The following RBMS1 variants were observed in gnomAD, a reference collection of about 807,000 sequenced individuals.
RBMS1 encodes the protein RNA binding motif single stranded interacting protein 1, also known as RNA-binding motif, single-stranded-interacting protein 1.
Under a neutral mutation model 62.3 loss-of-function variants are expected in RBMS1, and 17 were observed. That is an observed-to-expected ratio of 0.27 (90% CI 0.19 to 0.41). The LOEUF is 0.41. RBMS1 is among the 10% of genes least tolerant of loss of function. The pLI is 1.00. For missense variants in RBMS1, 334 were observed against 504.5 expected (o/e 0.66, Z 3.24); for synonymous variants, 172 against 170.0 (o/e 1.01, Z -0.09).
chr2:160,285,607 C>A (rs1205731121), intron 7 of RBMS1, among the ~76,000 whole-genome samples: 2 of 150,286 alleles, frequency 1.3e-5, no homozygotes, highest in Non-Finnish European at 3.0e-5. Context: ...AATGGACGTC[C>A]AACATTTTAT....
chr2:160,463,341 A>G (rs1453694382), intron 1 of RBMS1, among the ~76,000 whole-genome samples: 1 of 152,198 alleles, frequency 6.6e-6, no homozygotes, highest in Non-Finnish European at 1.5e-5. Flanking sequence ...ATTTTATAAC[A>G]TGCCTCTCAA....
intron 1 of RBMS1, among the ~76,000 whole-genome samples, chr2:160,468,301 C>A (rs1384652840): frequency 1.3e-5 from 2 of 152,168 alleles, no homozygotes; most frequent in African/African-American, 4.8e-5. Flanking sequence ...GAAGGCACGA[C>A]CCCTGCTCAC....
At position 160,416,721 on chromosome 2, in the gene RBMS1, G is replaced by C. The variant is rs191639573; in HGVS notation, c.76-49330C>G. Among the ~76,000 whole-genome samples the C allele has an allele frequency of 3.9e-5, 6 of 152,156 alleles. No homozygotes were observed. The East Asian group carries it at 7.7e-4, about 20-fold the overall frequency. Reference sequence around the variant, plus strand: ...AGGTGGAAAGAATTATTAAGGGCCGGTCCTTGTAATTGCTATACAATAATC... The same window carrying C: ...AGGTGGAAAGAATTATTAAGGGCCGCTCCTTGTAATTGCTATACAATAATC... On this transcript the variant is annotated intron_variant, in intron 1 of 13. Coordinates refer to ENST00000348849, the MANE Select transcript of RBMS1 (RefSeq NM_016836.4).
At chr2:160,280,222 G>A (rs946892278) in intron 10 of RBMS1, among the ~76,000 whole-genome samples, 2 of 152,102 alleles carry the variant, frequency 1.3e-5, no homozygotes, top group Admixed American at 6.5e-5. Flanking sequence ...GTGTGGATCA[G>A]TGCATGTATA....
intron 6 of RBMS1, among the ~76,000 whole-genome samples, chr2:160,289,870 T>C (rs556773367): frequency 6.6e-6 from 1 of 151,682 alleles, no homozygotes; most frequent in African/African-American, 2.4e-5. Flanking sequence ...AGATTGTCCA[T>C]GTGCCCTAGG....
At chr2:160,291,071 G>A (rs979617695) in intron 6 of RBMS1, among the ~76,000 whole-genome samples, 3 of 152,188 alleles carry the variant, frequency 2.0e-5, no homozygotes, top group Non-Finnish European at 2.9e-5. Context: ...AGTAAGCACT[G>A]TAGCTCATGA....
intron 1 of RBMS1, among the ~76,000 whole-genome samples, chr2:160,426,295 AAAGAAG>A (rs1682605795): frequency 2.6e-5 from 2 of 78,358 alleles, no homozygotes; most frequent in African/African-American, 1.0e-4. Context: ...GAAAGAAAAG[AAAGAAG>A]GAAGGAAGGA....
intron 1 of RBMS1, among the ~76,000 whole-genome samples, chr2:160,371,491 T>C (rs779210489): frequency 5.3e-5 from 8 of 152,208 alleles, no homozygotes; most frequent in Non-Finnish European, 1.0e-4. Context: ...TTTTTCCTGT[T>C]ATCAGGTCAG....
chr2:160,490,230 A>G (rs1685763680), intron 1 of RBMS1, among the ~76,000 whole-genome samples: 1 of 152,030 alleles, frequency 6.6e-6, no homozygotes, highest in African/African-American at 2.4e-5. Flanking sequence ...ATAAAGCTAC[A>G]TCAAGCTACA....
At chr2:160,433,871 G>A (rs1473885832) in intron 1 of RBMS1, among the ~76,000 whole-genome samples, 3 of 152,168 alleles carry the variant, frequency 2.0e-5, no homozygotes, top group Non-Finnish European at 4.4e-5. Context: ...AAGCAGTTTG[G>A]AATATCTAGG....
chr2:160,405,837 G>A (rs1695676175), intron 1 of RBMS1, among the ~76,000 whole-genome samples: 1 of 152,090 alleles, frequency 6.6e-6, no homozygotes, highest in Admixed American at 6.6e-5. Flanking sequence ...CACCCCGCCG[G>A]GTTTTGACAA....
At chr2:160,368,544 G>A (rs994472457) in intron 1 of RBMS1, among the ~76,000 whole-genome samples, 4 of 152,126 alleles carry the variant, frequency 2.6e-5, no homozygotes, top group Admixed American at 2.6e-4. Context: ...ACCAACCTCC[G>A]TTGCCCACTA....
intron 1 of RBMS1, among the ~76,000 whole-genome samples, chr2:160,426,259 A>AAGAG: frequency 8.0e-6 from 1 of 125,362 alleles, no homozygotes; most frequent in Non-Finnish European, 1.7e-5. Context: ...GAAAGAAAGA[A>AAGAG]AGAAAGAAAG....
chr2:160,445,351 C>T (rs1179281281), intron 1 of RBMS1, among the ~76,000 whole-genome samples: 1 of 152,172 alleles, frequency 6.6e-6, no homozygotes, highest in African/African-American at 2.4e-5. Flanking sequence ...ACTAGATTTT[C>T]AGGCAAAGAC....
chr2:160,345,706 T>A (rs932651116), intron 2 of RBMS1, among the ~76,000 whole-genome samples: 1 of 152,110 alleles, frequency 6.6e-6, no homozygotes, highest in African/African-American at 2.4e-5. Flanking sequence ...GTCAGAGAAG[T>A]TCCCCATGGG....
At chr2:160,321,344 C>G (rs377578961) in intron 2 of RBMS1, among the ~76,000 whole-genome samples, 1 of 152,020 alleles carries the variant, frequency 6.6e-6, no homozygotes, top group East Asian at 1.9e-4. Flanking sequence ...ATTCAGCTTC[C>G]TCTTCTCCCT....
intron 1 of RBMS1, chr2:160,432,417 A>C (rs1019832730): frequency 2.0e-5 from 3 of 152,182 alleles, no homozygotes; most frequent in Non-Finnish European, 4.4e-5. Context: ...TTGCCATCCC[A>C]CTAACATTTT....
chr2:160,458,796 CA>C (rs72225066), intron 1 of RBMS1, among the ~76,000 whole-genome samples: 416 of 126,108 alleles, frequency 3.3e-3, no homozygotes, highest in African/African-American at 3.4e-3. Context: ...AACTCTGTCT[CA>C]AAAAAAAAAA....
chr2:160,412,545 AGAT>A (rs1403599590), intron 1 of RBMS1, among the ~76,000 whole-genome samples: 1 of 152,242 alleles, frequency 6.6e-6, no homozygotes. Flanking sequence ...AAAGCCTTAT[AGAT>A]GATGATGCTT....
Sources: allele counts gnomAD v4.1 joint callset (sites outside exome capture counted in the v4.1 genomes callset), GRCh38; gene constraint gnomAD v4.1.1; transcripts MANE v1.5; gene names NCBI Gene and HGNC (gene_info 2026-07-23, HGNC 2026-07-21).